Variants in RAD9B observed in about 807,000 individuals in gnomAD.
RAD9B encodes cell cycle checkpoint control protein RAD9B.
In RAD9B, 41 loss-of-function variants were observed where a neutral mutation model predicts 48.3. That is an observed-to-expected ratio of 0.85 (90% confidence interval 0.66 to 1.10). The LOEUF (loss-of-function observed/expected upper bound fraction) is 1.10, where lower values mean the gene tolerates loss of function less well. Ranked by LOEUF, RAD9B falls within the 50% of genes least tolerant of loss-of-function variation. The pLI is 0.00. For missense variants in RAD9B, 444 were observed against 485.1 expected, an observed-to-expected ratio of 0.92 and a Z score of 0.80; for synonymous variants, 160 against 157.9, an observed-to-expected ratio of 1.01 and a Z score of -0.10.
In RAD9B at chr12:110,522,385, G is replaced by A. The variant is rs1401836892; in HGVS notation, c.1099G>A (p.Val367Met). 1.2e-6 allele frequency: 2 copies of A among 1,611,580 alleles called. No homozygotes were observed. Among genetic ancestry groups the A allele is most frequent in the Non-Finnish European group, 8.5e-7 (1 of 1,178,694 alleles). Residue 367 changes from valine (V) to methionine (M), a missense_variant, in exon 10 of 11, where the codon GTG becomes ATG. Coordinates refer to ENST00000409300, the MANE Select transcript of RAD9B (RefSeq NM_001286535.2). Reference sequence around the variant, plus strand: ...AAGCAGTGTCAGCAACACAGAGGAAGTGCCAGGGTCTCTGTGTCTCAGAAA... The same window carrying A: ...AAGCAGTGTCAGCAACACAGAGGAAATGCCAGGGTCTCTGTGTCTCAGAAA... ...SESSVSNTEE[V>M]PGSLCLRKFS...
In RAD9B at chr12:110,505,644, C is replaced by T. The variant is rs548501643; in HGVS notation, c.145C>T (p.Arg49Trp). The T allele has an allele frequency of 6.4e-6, 10 of 1,563,878 alleles. No homozygotes were observed. Among genetic ancestry groups the T allele is most frequent in the South Asian group, 3.5e-5 (3 of 84,894 alleles). Reference protein sequence around the residue: ...GLALRCVNSSRSAYGCVLFSP... With the variant: ...GLALRCVNSSWSAYGCVLFSP... ...TGCTCTAAGATGTGTGAATTCTTCT[C>T]GGTCAGCATATGGATGTGTCCTGTT... Residue 49 changes from arginine (R) to tryptophan (W), a missense_variant, in exon 3 of 11, where the codon CGG becomes TGG. Coordinates refer to ENST00000409300, the MANE Select transcript of RAD9B (RefSeq NM_001286535.2).
chr12:110,513,671 T>C (rs976760271), intron 5 of RAD9B, among the ~76,000 whole-genome samples: 8 of 149,104 alleles, frequency 5.4e-5, no homozygotes, highest in Non-Finnish European at 8.9e-5. Context: ...AGCCAAATGA[T>C]ATTTTATCCA....
chr12:110,529,111 G>A (rs1290365504), intron 10 of RAD9B, among the ~76,000 whole-genome samples: 2 of 151,878 alleles, frequency 1.3e-5, no homozygotes, highest in Admixed American at 6.6e-5. Flanking sequence ...TAGAGATAAA[G>A]CAGTAACTGA....
rs1374215807 is a variant in RAD9B, at chr12:110,502,403, C to T, written c.46+20C>T. The T allele has an allele frequency of 7.4e-6, 12 of 1,612,850 alleles. No homozygotes were observed. The highest frequency in any genetic ancestry group is 1.0e-5 in the Non-Finnish European group (12 of 1,179,450). ...TGAAAGGTGGAGCGGCCTTTGTTGT[C>T]TTCCCATTTAGCAGAGAGAAAAGCA... On this transcript the variant is annotated intron_variant, in intron 1 of 10. Coordinates refer to ENST00000409300, the MANE Select transcript of RAD9B (RefSeq NM_001286535.2).
chr12:110,513,913 C>T (rs1007168424), intron 5 of RAD9B, among the ~76,000 whole-genome samples: 2 of 151,582 alleles, frequency 1.3e-5, no homozygotes, highest in South Asian at 2.1e-4. Context: ...TTTATAGAGA[C>T]GGGGTTTCGC....
chr12:110,511,147 A>T (rs2063446791), intron 4 of RAD9B, among the ~76,000 whole-genome samples: 2 of 152,220 alleles, frequency 1.3e-5, no homozygotes, highest in Non-Finnish European at 2.9e-5. Context: ...TTTTACACGC[A>T]ATTTAAGAAA....
chr12:110,516,334 T>C (rs1377993616), intron 6 of RAD9B, among the ~76,000 whole-genome samples: 1 of 152,288 alleles, frequency 6.6e-6, no homozygotes, highest in South Asian at 2.1e-4. Context: ...TGAATAAAGA[T>C]GGCCATTTAG....
At position 110,515,175 on chromosome 12, in the gene RAD9B, A is replaced by G; in HGVS notation, c.595+19A>G. The G allele has an allele frequency of 1.5e-6, 2 of 1,352,078 alleles. No homozygotes were observed. The highest frequency in any genetic ancestry group is 2.1e-6 in the Non-Finnish European group (2 of 966,356). 83.8% of individuals were successfully genotyped at this position (1,352,078 alleles called of 1,614,324 possible). A position where few individuals can be genotyped will look rare whatever the true frequency, so the allele number is the denominator to read the frequency against. Reference sequence around the variant, plus strand: ...TCAATGGGTAAAGATTGTATCTGAAATGGTGTTTTGATGGGTTATTACTTC... The same window carrying G: ...TCAATGGGTAAAGATTGTATCTGAAGTGGTGTTTTGATGGGTTATTACTTC... On this transcript the variant is annotated intron_variant, in intron 6 of 10. Coordinates refer to ENST00000409300, the MANE Select transcript of RAD9B (RefSeq NM_001286535.2).
chr12:110,523,259 A>AC (rs576306696), intron 10 of RAD9B, among the ~76,000 whole-genome samples: 71 of 152,178 alleles, frequency 4.7e-4, no homozygotes, highest in African/African-American at 1.6e-3. Flanking sequence ...ACAGAGTGAG[A>AC]CCCCATCTCA....
Position 110,530,814 on chromosome 12 carries a change from G to C in RAD9B, c.*161G>C. 1.4e-6 allele frequency: 2 copies of C among 1,409,906 alleles called. No individual in the cohort carries two copies. The highest frequency in any genetic ancestry group is 5.0e-5 in the East Asian group (2 of 39,930). The allele number at this position is 1,409,906 out of a possible 1,614,324, so 87.3% of individuals were successfully genotyped here. On this transcript the variant is annotated 3_prime_UTR_variant, in exon 11 of 11. Transcript: ENST00000409300. ...TCATCTTGTACAACAACCATATCTA[G>C]AAATAGCTGTTTGTCAAGTGTATGT... is the stretch of plus-strand genomic sequence containing the variant.
In RAD9B at chr12:110,524,067, G is replaced by T. The variant is rs952386231; in HGVS notation, c.1125+1656G>T. The stretch of plus-strand genomic sequence containing the variant: ...ACCTGAGGTCTACAGTGAGGCCCAG[G>T]GGTTCAGAGCCCTGGCTCTAGAGTT... On this transcript the variant is annotated intron_variant, in intron 10 of 10. Transcript: ENST00000409300. 8.5e-5 allele frequency among the ~76,000 whole-genome samples: 13 copies of T among 152,266 alleles called. No individual in the cohort carries two copies. The South Asian group carries it at 1.7e-3, about 19-fold the overall frequency.
chr12:110,530,745 T>C lies in RAD9B; in HGVS notation c.*92T>C. On this transcript the variant is annotated 3_prime_UTR_variant, in exon 11 of 11. Transcript: ENST00000409300. ...TGCATGTTTAGTGTCTAAAAGAGGT[T>C]GTCCAGGACTTCCTTTTAATGGAGG... 2 of 1,551,488 alleles carry C rather than the reference T, an allele frequency of 1.3e-6. No homozygotes were observed. The highest frequency in any genetic ancestry group is 8.7e-7 in the Non-Finnish European group (1 of 1,151,696).
At chr12:110,526,632 G>A (rs1043168549) in intron 10 of RAD9B, among the ~76,000 whole-genome samples, 4 of 151,234 alleles carry the variant, frequency 2.6e-5, no homozygotes, top group African/African-American at 4.9e-5. Context: ...CCAATTGGTC[G>A]GGCACGGTGG....
Position 110,524,378 on chromosome 12 carries a change from T to C in RAD9B, c.1125+1967T>C, listed in dbSNP as rs184757813. Among the ~76,000 whole-genome samples the C allele has an allele frequency of 6.9e-3, 1,042 of 150,910 alleles. 1 individual carries two copies. Among genetic ancestry groups the C allele is most frequent in the Non-Finnish European group, 9.4e-3 (636 of 67,698 alleles). Reference sequence around the variant, plus strand: ...GAGTTCAAGACCAGCCTGGCCAAGATTGGTGAAACCCTGTCTCTACTAAAA... The same window carrying C: ...GAGTTCAAGACCAGCCTGGCCAAGACTGGTGAAACCCTGTCTCTACTAAAA... On this transcript the variant is annotated intron_variant, in intron 10 of 10. Transcript: ENST00000409300.
intron 10 of RAD9B, among the ~76,000 whole-genome samples, chr12:110,527,137 C>T (rs992700543): frequency 3.9e-5 from 6 of 152,094 alleles, no homozygotes; most frequent in Non-Finnish European, 5.9e-5. Context: ...GGAGAATCTG[C>T]TTTCTTGCCC....
In RAD9B at chr12:110,531,562, T is replaced by A. The variant is rs2135748697; in HGVS notation, c.*909T>A. On this transcript the variant is annotated 3_prime_UTR_variant, in exon 11 of 11. Coordinates refer to ENST00000409300, the MANE Select transcript of RAD9B (RefSeq NM_001286535.2). The stretch of plus-strand genomic sequence containing the variant: ...TTGTTCTGATTTTCAGATGTGATTT[T>A]TTATTTTGCAGTGTGCTGCAGGAAA... 1 of 1,546,304 alleles carries A rather than the reference T, an allele frequency of 6.5e-7. No individual in the cohort carries two copies. The highest frequency in any genetic ancestry group is 1.4e-5 in the African/African-American group (1 of 73,356).
chr12:110,505,816 T>C, intron 3 of RAD9B, 44 bp downstream of exon 3: 6 of 1,504,534 alleles, frequency 4.0e-6, no homozygotes, highest in South Asian at 2.4e-5. Context: ...TGTAGAAATA[T>C]TCATTATATA....
chr12:110,506,783 T>G, intron 4 of RAD9B, 90 bp downstream of exon 4: 1 of 693,080 alleles, frequency 1.4e-6, no homozygotes, highest in Non-Finnish European at 2.5e-6. Context: ...TCAAGATTTC[T>G]CGTTACATTA....
At position 110,526,702 on chromosome 12, in the gene RAD9B, G is replaced by T. The variant is rs998453342; in HGVS notation, c.1126-3823G>T. Among the ~76,000 whole-genome samples the T allele has an allele frequency of 3.3e-5, 5 of 151,970 alleles. 1 individual carries two copies. Among genetic ancestry groups the T allele is most frequent in the Admixed American group, 3.3e-4 (5 of 15,268 alleles). On this transcript the variant is annotated intron_variant, in intron 10 of 10. Transcript: ENST00000409300. Reference sequence around the variant, plus strand: ...AGACAGGCAGATCACGAGGTCAGGAGATCAAGACCATCCTAGCTAACACGG... The same window carrying T: ...AGACAGGCAGATCACGAGGTCAGGATATCAAGACCATCCTAGCTAACACGG...
Sources: gnomAD v4.1 joint callset for allele counts (sites outside exome capture counted in the v4.1 genomes callset) on GRCh38, gnomAD v4.1.1 for gene constraint, MANE v1.5 for transcripts, NCBI Gene and HGNC (gene_info 2026-07-23, HGNC 2026-07-21) for gene names.